The following STRN variants were observed in gnomAD, a reference collection of about 807,000 sequenced individuals.
The protein encoded by STRN is protein phosphatase 2 regulatory subunit B'''alpha.
A neutral mutation model predicts 96.3 loss-of-function variants in STRN; 53 were observed. That is an observed-to-expected ratio of 0.55 (90% CI 0.44 to 0.69). The LOEUF is 0.69. Ranked by LOEUF, STRN falls within the 30% of genes least tolerant of loss-of-function variation. The pLI is 0.00. For missense variants in STRN, 987 were observed against 963.9 expected (o/e 1.02, Z -0.32); for synonymous variants, 428 against 355.9 (o/e 1.20, Z -2.28).
intron 10 of STRN, among the ~76,000 whole-genome samples, chr2:36,875,965 T>G (rs1024676410): frequency 7.2e-6 from 1 of 138,232 alleles, no homozygotes; most frequent in Non-Finnish European, 1.5e-5. Context: ...TTACAAATGA[T>G]TTTTTTTAAA....
At chr2:36,893,306 C>T (rs1484324089) in intron 7 of STRN, among the ~76,000 whole-genome samples, 1 of 151,998 alleles carries the variant, frequency 6.6e-6, no homozygotes, top group Non-Finnish European at 1.5e-5. Context: ...AAAAAAACCC[C>T]TAAGCGTACT....
At chr2:36,909,124 G>A (rs975914298) in intron 3 of STRN, among the ~76,000 whole-genome samples, 27 of 145,982 alleles carry the variant, frequency 1.8e-4, no homozygotes, top group African/African-American at 6.9e-4. Context: ...CCACTGCACT[G>A]CAGCCTGGGC....
At position 36,876,175 on chromosome 2, in the gene STRN, T is replaced by TGGGAGGATCATTTGAGCCCGGTGG. The variant is rs796246756; in HGVS notation, c.1323+1692_1323+1715dup. ...GTCCCAGCTACTTGGGAGGCTGAGA[T>TGGGAGGATCATTTGAGCCCGGTGG]GGGAGGATCATTTGAGCCCGGTGGG... On this transcript the variant is annotated intron_variant, in intron 10 of 17. Coordinates refer to ENST00000263918, the MANE Select transcript of STRN (RefSeq NM_003162.4). Among the ~76,000 whole-genome samples the TGGGAGGATCATTTGAGCCCGGTGG allele has an allele frequency of 7.5e-3, 1,133 of 151,780 alleles. 21 individuals carry two copies. The highest frequency in any genetic ancestry group is 0.026 in the African/African-American group (1,076 of 41,332).
At chr2:36,908,821 A>G (rs544805772) in intron 3 of STRN, among the ~76,000 whole-genome samples, 3 of 152,204 alleles carry the variant, frequency 2.0e-5, no homozygotes, top group African/African-American at 7.2e-5. Flanking sequence ...TAAAAATACA[A>G]AAGTTAGTTG....
At chr2:36,965,760 A>T (rs1665141905) in intron 1 of STRN, among the ~76,000 whole-genome samples, 1 of 152,204 alleles carries the variant, frequency 6.6e-6, no homozygotes, top group African/African-American at 2.4e-5. Context: ...AAGGCCTGAC[A>T]CAACTTCTGT....
At chr2:36,900,019 G>A (rs1669642575) in intron 5 of STRN, among the ~76,000 whole-genome samples, 2 of 152,018 alleles carry the variant, frequency 1.3e-5, no homozygotes, top group Admixed American at 1.3e-4. Context: ...CTCCCAAGCA[G>A]CTGGGATTAC....
chr2:36,924,305 G>A (rs978748889), intron 2 of STRN, among the ~76,000 whole-genome samples: 18 of 146,530 alleles, frequency 1.2e-4, no homozygotes, highest in African/African-American at 4.6e-4. Flanking sequence ...GCAGTGAGCT[G>A]AGATTGCACC....
At chr2:36,913,955 T>A (rs1488820160) in intron 3 of STRN, among the ~76,000 whole-genome samples, 1 of 152,176 alleles carries the variant, frequency 6.6e-6, no homozygotes, top group African/African-American at 2.4e-5. Context: ...AAGCCCCTTC[T>A]ACTGAGCTGC....
intron 12 of STRN, among the ~76,000 whole-genome samples, chr2:36,861,909 A>G (rs866738078): frequency 2.8e-4 from 42 of 152,222 alleles, no homozygotes; most frequent in Middle Eastern, 3.4e-3. Context: ...AGTTTTTCCA[A>G]TCCTCACCCT....
chr2:36,948,141 G>A (rs1343481347), intron 1 of STRN, among the ~76,000 whole-genome samples: 3 of 110,420 alleles, frequency 2.7e-5, no homozygotes, highest in African/African-American at 7.4e-5. Context: ...TCACTCTGTC[G>A]CCCAGGCTGG....
chr2:36,857,523 C>T (rs940584953), intron 14 of STRN, among the ~76,000 whole-genome samples: 2 of 151,608 alleles, frequency 1.3e-5, no homozygotes, highest in African/African-American at 4.8e-5. Context: ...AAAAAAACTA[C>T]AAAAATTAGC....
intron 14 of STRN, 40 bp downstream of exon 14, chr2:36,857,816 T>C (rs1668384683): frequency 1.3e-6 from 2 of 1,541,406 alleles, no homozygotes; most frequent in Non-Finnish European, 1.8e-6. Context: ...ATAAACTGTT[T>C]TATAGAGGAT....
chr2:36,848,999 A>G lies in STRN; in HGVS notation c.*457T>C, dbSNP rs1183868623. ...AAGGGGTTAATATGGCAGATATGAT[A>G]AAGATTACTATTTTGACTACTTAAT... On this transcript the variant is annotated 3_prime_UTR_variant, in exon 18 of 18. Transcript: ENST00000263918. 6.3e-6 allele frequency: 1 copy of G among 157,920 alleles called. No homozygotes were observed. The highest frequency in any genetic ancestry group is 2.4e-5 in the African/African-American group (1 of 41,486). 9.8% of individuals were successfully genotyped at this position (157,920 alleles called of 1,614,324 possible).
intron 1 of STRN, among the ~76,000 whole-genome samples, chr2:36,960,964 A>G (rs770255585): frequency 1.3e-5 from 2 of 151,954 alleles, no homozygotes; most frequent in African/African-American, 4.8e-5. Context: ...GGGCATGATC[A>G]TAACGCAGTG....
intron 1 of STRN, among the ~76,000 whole-genome samples, chr2:36,956,309 C>T (rs1467033658): frequency 6.6e-6 from 1 of 152,096 alleles, no homozygotes; most frequent in Non-Finnish European, 1.5e-5. Context: ...TTTTTTAAAC[C>T]TTACAGCGAT....
At chr2:36,955,759 G>C (rs1284478670) in intron 1 of STRN, among the ~76,000 whole-genome samples, 3 of 152,134 alleles carry the variant, frequency 2.0e-5, no homozygotes, top group African/African-American at 7.2e-5. Context: ...AACCACTACA[G>C]ATTGAGTACC....
At chr2:36,861,014 G>A in intron 13 of STRN, 118 bp downstream of exon 13, 1 of 1,189,342 alleles carries the variant, frequency 8.4e-7, no homozygotes, top group South Asian at 1.7e-5. Flanking sequence ...AAATAAAGAT[G>A]TGGTTCTCTT....
In STRN at chr2:36,845,296, T is replaced by G. The variant is rs565142245; in HGVS notation, c.*4160A>C. On this transcript the variant is annotated 3_prime_UTR_variant, in exon 18 of 18. Transcript: ENST00000263918. ...ATTAATTCTAAGCCTTTCAGTCTGATTTGTGACATCTTAATACAATATAAC... is the reference window on the plus strand; with the variant it reads ...ATTAATTCTAAGCCTTTCAGTCTGAGTTGTGACATCTTAATACAATATAAC... The G allele has an allele frequency of 6.6e-6, 1 of 152,188 alleles. No homozygotes were observed. The highest frequency in any genetic ancestry group is 2.1e-4 in the South Asian group (1 of 4,830). The allele number at this position is 152,188 out of a possible 1,614,324, so 9.4% of individuals were successfully genotyped here.
intron 3 of STRN, among the ~76,000 whole-genome samples, chr2:36,906,939 C>CACA (rs1553399861): frequency 6.7e-6 from 1 of 149,884 alleles, no homozygotes; most frequent in Non-Finnish European, 1.5e-5. Context: ...ACAAAAAAAA[C>CACA]AAAAAAAAAC....
Sources: gnomAD v4.1 joint callset for allele counts (sites outside exome capture counted in the v4.1 genomes callset) on GRCh38, gnomAD v4.1.1 for gene constraint, MANE v1.5 for transcripts, NCBI Gene and HGNC (gene_info 2026-07-23, HGNC 2026-07-21) for gene names.